The following LRRC72 variants were observed in gnomAD, a reference collection of about 807,000 sequenced individuals.
The protein encoded by LRRC72 is leucine-rich repeat-containing protein 72.
Under a neutral mutation model 35.8 loss-of-function variants are expected in LRRC72, and 41 were observed. That is an observed-to-expected ratio of 1.15 (90% confidence interval 0.89 to 1.49). LRRC72 has a LOEUF of 1.49. Ranked by LOEUF, LRRC72 falls within the 40% of genes most tolerant of loss-of-function variation. LRRC72 has a pLI of 0.00. For missense variants in LRRC72, 389 were observed against 330.7 expected (o/e 1.18, Z -1.37); for synonymous variants, 118 against 119.2 (o/e 0.99, Z 0.07).
intron 6 of LRRC72, among the ~76,000 whole-genome samples, chr7:16,566,968 T>C (rs1782855402): frequency 6.6e-6 from 1 of 152,142 alleles, no homozygotes; most frequent in Non-Finnish European, 1.5e-5. Context: ...AATGCTATAT[T>C]ATCTATCTAC....
At chr7:16,558,244 A>T (rs1270581376) in intron 4 of LRRC72, among the ~76,000 whole-genome samples, 4 of 152,232 alleles carry the variant, frequency 2.6e-5, no homozygotes. Context: ...CCCCAAAACT[A>T]AAACCAAACA....
At chr7:16,536,647 C>CA (rs34838483) in intron 2 of LRRC72, among the ~76,000 whole-genome samples, 68 of 150,436 alleles carry the variant, frequency 4.5e-4, no homozygotes, top group Middle Eastern at 6.8e-3. Flanking sequence ...AAAAAGTTGG[C>CA]AAAAAAAAGG....
intron 3 of LRRC72, among the ~76,000 whole-genome samples, chr7:16,541,945 A>C: frequency 1.0e-5 from 1 of 95,464 alleles, no homozygotes; most frequent in Admixed American, 1.1e-4. Flanking sequence ...AGACAGACAG[A>C]CACACACACA....
chr7:16,551,223 C>A (rs11760326), intron 3 of LRRC72, among the ~76,000 whole-genome samples: 40,039 of 151,988 alleles, frequency 0.26, 5,364 homozygotes, highest in Admixed American at 0.31. Context: ...CAAATGGCCA[C>A]CTACGAGCCA....
chr7:16,546,318 T>C (rs983972533), intron 3 of LRRC72, among the ~76,000 whole-genome samples: 1 of 152,158 alleles, frequency 6.6e-6, no homozygotes, highest in Non-Finnish European at 1.5e-5. Flanking sequence ...TTTTTCAACC[T>C]TGCTACTATT....
intron 2 of LRRC72, 37 bp from the exon 3 acceptor site, chr7:16,537,590 A>G: frequency 7.7e-7 from 1 of 1,295,790 alleles, no homozygotes; most frequent in Non-Finnish European, 1.1e-6. Flanking sequence ...GTGTGAACTA[A>G]TTGTTGCTAA....
intron 3 of LRRC72, among the ~76,000 whole-genome samples, chr7:16,553,371 G>GAA (rs1782589781): frequency 6.6e-6 from 1 of 152,188 alleles, no homozygotes; most frequent in African/African-American, 2.4e-5. Flanking sequence ...TGGATCTCGA[G>GAA]AAAGTTGTTT....
chr7:16,549,540 A>C (rs1562743125), intron 3 of LRRC72, among the ~76,000 whole-genome samples: 1 of 152,060 alleles, frequency 6.6e-6, no homozygotes, highest in Admixed American at 6.5e-5. Flanking sequence ...CACCACTACC[A>C]CCATTTCCAC....
intron 7 of LRRC72, among the ~76,000 whole-genome samples, chr7:16,572,586 T>C (rs1391654737): frequency 6.6e-6 from 1 of 152,184 alleles, no homozygotes; most frequent in Non-Finnish European, 1.5e-5. Context: ...AAAAAGGCCT[T>C]CAATAAAATT....
At chr7:16,578,948 G>T (rs1225513066) in intron 7 of LRRC72, among the ~76,000 whole-genome samples, 1 of 152,176 alleles carries the variant, frequency 6.6e-6, no homozygotes, top group Non-Finnish European at 1.5e-5. Flanking sequence ...AATGGTGATT[G>T]CCAGGTGCTG....
At chr7:16,566,287 T>C in intron 5 of LRRC72, 26 bp from the exon 6 acceptor site, 1 of 1,423,884 alleles carries the variant, frequency 7.0e-7, no homozygotes, top group Non-Finnish European at 9.4e-7. Flanking sequence ...AATCTGACAT[T>C]TTTATTTTGG....
chr7:16,530,089 G>C (rs904068490), intron 1 of LRRC72: 1 of 151,964 alleles, frequency 6.6e-6, no homozygotes, highest in African/African-American at 2.4e-5. Flanking sequence ...TAGATGTCTA[G>C]ATATCTGTCT....
chr7:16,552,922 C>G (rs373512190), intron 3 of LRRC72, among the ~76,000 whole-genome samples: 1 of 152,234 alleles, frequency 6.6e-6, no homozygotes, highest in African/African-American at 2.4e-5. Flanking sequence ...GCTGTATAAT[C>G]GTGGGTAAAT....
intron 2 of LRRC72, among the ~76,000 whole-genome samples, chr7:16,535,350 TA>T (rs1410482963): frequency 1.3e-5 from 2 of 152,134 alleles, no homozygotes; most frequent in African/African-American, 4.8e-5. Flanking sequence ...AAGGATTAAG[TA>T]AAAAACTCTT....
intron 7 of LRRC72, among the ~76,000 whole-genome samples, chr7:16,570,850 C>G (rs1189468957): frequency 6.6e-6 from 1 of 152,124 alleles, no homozygotes; most frequent in African/African-American, 2.4e-5. Flanking sequence ...TTCACATTTT[C>G]TCAATTGTTC....
At chr7:16,546,090 T>G in intron 3 of LRRC72, among the ~76,000 whole-genome samples, 1 of 152,320 alleles carries the variant, frequency 6.6e-6, no homozygotes, top group South Asian at 2.1e-4. Context: ...TTAAAATATA[T>G]TGAAATGTTT....
intron 5 of LRRC72, among the ~76,000 whole-genome samples, chr7:16,562,188 C>T (rs115210154): frequency 6.6e-6 from 1 of 152,072 alleles, no homozygotes; most frequent in Non-Finnish European, 1.5e-5. Context: ...CAGGGGGCCC[C>T]ACCTCTTCTC....
chr7:16,549,500 C>T (rs994633477), intron 3 of LRRC72, among the ~76,000 whole-genome samples: 1 of 152,152 alleles, frequency 6.6e-6, no homozygotes, highest in East Asian at 1.9e-4. Flanking sequence ...GCTGGTGTCA[C>T]CAGCACCAGC....
chr7:16,526,892 C>A lies in LRRC72; in HGVS notation c.-61C>A. ...CTGTGCACCAAGCCAAGTCTCTCTT[C>A]GGTGCCACCGGCGGGCGAGGCCGGA... On this transcript the variant is annotated 5_prime_UTR_variant, in exon 1 of 9. Transcript: ENST00000401542. The A allele has an allele frequency of 7.4e-7, 1 of 1,349,252 alleles. No individual in the cohort carries two copies. The highest frequency in any genetic ancestry group is 1.0e-6 in the Non-Finnish European group (1 of 976,012). The allele number at this position is 1,349,252 out of a possible 1,614,324, so 83.6% of individuals were successfully genotyped here.
Sources: allele counts gnomAD v4.1 joint callset (sites outside exome capture counted in the v4.1 genomes callset), GRCh38; gene constraint gnomAD v4.1.1; transcripts MANE v1.5; gene names NCBI Gene and HGNC (gene_info 2026-07-23, HGNC 2026-07-21).